DHRS3: variants seen among roughly 807,000 people sequenced by gnomAD.
DHRS3 encodes short-chain dehydrogenase/reductase 3.
Under a neutral mutation model 27.2 loss-of-function variants are expected in DHRS3, and 14 were observed. The observed-to-expected ratio is 0.52, with a 90% CI of 0.34 to 0.81. The LOEUF (loss-of-function observed/expected upper bound fraction) is 0.81, where lower values mean the gene tolerates loss of function less well. Among genes scored for constraint, DHRS3 ranks in the 30% least tolerant of loss-of-function variants. The probability of loss-of-function intolerance (pLI) is 0.01; values close to 1 mark genes in which losing one functional copy is unlikely to be tolerated. For missense variants in DHRS3, 322 were observed against 406.2 expected (o/e 0.79, Z 1.78); for synonymous variants, 165 against 175.9 (o/e 0.94, Z 0.49).
rs374283325 is a variant in DHRS3, at chr1:12,572,725, T to A, written c.824+3A>T. On this transcript the variant is annotated splice_donor_region_variant and intron_variant, in intron 5 of 5. Coordinates refer to ENST00000616661, the MANE Select transcript of DHRS3 (RefSeq NM_004753.7). ...CCCAGAGTGTTCTTTCCCAGCCCCA[T>A]ACCTTTTCAAGATAACGAGGGCATG... The A allele has an allele frequency of 3.1e-6, 5 of 1,592,104 alleles. No individual in the cohort carries two copies. The highest frequency in any genetic ancestry group is 4.3e-6 in the Non-Finnish European group (5 of 1,168,976).
In DHRS3 at chr1:12,572,870, A is replaced by G; in HGVS notation, c.699-17T>C. On this transcript the variant is annotated splice_polypyrimidine_tract_variant and intron_variant, in intron 4 of 5. Coordinates refer to ENST00000616661, the MANE Select transcript of DHRS3 (RefSeq NM_004753.7). ...TTGGGAAACCTGAACACAGGAAGAG[A>G]CACAGTGGGTTTCTCCTGGAGAGGC... 1.3e-6 allele frequency: 2 copies of G among 1,578,802 alleles called. No individual in the cohort carries two copies. Among genetic ancestry groups the G allele is most frequent in the South Asian group, 1.2e-5 (1 of 86,576 alleles).
intron 1 of DHRS3, among the ~76,000 whole-genome samples, chr1:12,583,374 C>T (rs1341411837): frequency 7.1e-6 from 1 of 140,282 alleles, no homozygotes; most frequent in African/African-American, 2.6e-5. Context: ...CATTCCTCAC[C>T]CACCCCACCC....
At chr1:12,616,010 C>T (rs1425976965) in intron 1 of DHRS3, among the ~76,000 whole-genome samples, 1 of 152,198 alleles carries the variant, frequency 6.6e-6, no homozygotes, top group Non-Finnish European at 1.5e-5. Context: ...ATAGTTCAGG[C>T]TCCAAAGTTC....
chr1:12,609,946 T>A (rs1646896010), intron 1 of DHRS3, among the ~76,000 whole-genome samples: 1 of 152,162 alleles, frequency 6.6e-6, no homozygotes, highest in Admixed American at 6.5e-5. Context: ...CCTTCAGGTC[T>A]TTCCTCGTGT....
chr1:12,570,597 T>C (rs1646527289), intron 5 of DHRS3, among the ~76,000 whole-genome samples: 1 of 152,006 alleles, frequency 6.6e-6, no homozygotes, highest in South Asian at 2.1e-4. Flanking sequence ...CAAAAGTAGT[T>C]GTGGGGAAGG....
At chr1:12,598,336 A>G (rs968488478) in intron 1 of DHRS3, among the ~76,000 whole-genome samples, 1 of 152,028 alleles carries the variant, frequency 6.6e-6, no homozygotes, top group Non-Finnish European at 1.5e-5. Flanking sequence ...GATCGCACCA[A>G]TGCACTCCAG....
chr1:12,579,238 C>T lies in DHRS3; in HGVS notation c.459+55G>A. The T allele has an allele frequency of 5.6e-6, 9 of 1,613,530 alleles. No homozygotes were observed. The South Asian group carries it at 8.8e-5, about 16-fold the overall frequency. ...TGGCAAATCATCCCCTCCCCTCCAT[C>T]CTGCCTGGGCTCCCTGCACGCCCGG... On this transcript the variant is annotated intron_variant, in intron 3 of 5. Coordinates refer to ENST00000616661, the MANE Select transcript of DHRS3 (RefSeq NM_004753.7).
chr1:12,585,249 GTGTCTC>G (rs1646685916), intron 1 of DHRS3, among the ~76,000 whole-genome samples: 6 of 151,206 alleles, frequency 4.0e-5, no homozygotes, highest in African/African-American at 1.2e-4. Context: ...GTGTGTCTCT[GTGTCTC>G]TGAGTGTGTG....
intron 4 of DHRS3, among the ~76,000 whole-genome samples, chr1:12,576,359 G>A (rs1646587921): frequency 1.3e-5 from 2 of 151,892 alleles, no homozygotes; most frequent in African/African-American, 4.8e-5. Context: ...TCAGGAGATT[G>A]AGACCATCCT....
intron 2 of DHRS3, chr1:12,579,730 C>T (rs1307244969): frequency 3.8e-6 from 1 of 265,296 alleles, no homozygotes; most frequent in African/African-American, 2.3e-5. Context: ...GCCTCGGTCT[C>T]CCAAAATGCT....
intron 1 of DHRS3, among the ~76,000 whole-genome samples, chr1:12,616,383 A>C (rs979459696): frequency 1.3e-5 from 2 of 151,856 alleles, no homozygotes; most frequent in African/African-American, 2.4e-5. Context: ...AGGTCTCCAA[A>C]ACCTGGAGCA....
chr1:12,612,928 C>T (rs910015844), intron 1 of DHRS3, among the ~76,000 whole-genome samples: 10 of 151,996 alleles, frequency 6.6e-5, no homozygotes, highest in African/African-American at 1.7e-4. Context: ...CATGGTGGCA[C>T]GCACGCCTGT....
rs141619246 is a variant in DHRS3, at chr1:12,585,215, CTGTGTG to C, written c.196-4555_196-4550del. Among the ~76,000 whole-genome samples the C allele has an allele frequency of 8.2e-3, 99 of 12,056 alleles. No homozygotes were observed. The Middle Eastern group carries it at 0.14, about 17-fold the overall frequency. The allele number at this position is 12,056 out of a possible 152,430, so 7.9% of individuals were successfully genotyped here. The stretch of plus-strand genomic sequence containing the variant: ...TGTGTGTGTGTGTGTCTGTGTATCT[CTGTGTG>C]TGTGTGTCTATGTGAGTGTGTGTCT... On this transcript the variant is annotated intron_variant, in intron 1 of 5. Transcript: ENST00000616661.
rs997113788 is a variant in DHRS3, at chr1:12,574,129, C to T, written c.699-1276G>A. ...CCTCAGAGGGTACATGAATCTTACC[C>T]CCTGCCCTGTAATTCCTTTGTCATC... On this transcript the variant is annotated intron_variant, in intron 4 of 5. Coordinates refer to ENST00000616661, the MANE Select transcript of DHRS3 (RefSeq NM_004753.7). This position sits in a 1 kb window ranked among gnomAD's most constrained non-coding sequence, Gnocchi z 4.6. 6.6e-6 allele frequency among the ~76,000 whole-genome samples: 1 copy of T among 152,156 alleles called. No individual in the cohort carries two copies. The highest frequency in any genetic ancestry group is 1.5e-5 in the Non-Finnish European group (1 of 68,020).
chr1:12,588,269 T>C (rs769728127), intron 1 of DHRS3, among the ~76,000 whole-genome samples: 5 of 152,206 alleles, frequency 3.3e-5, no homozygotes, highest in Non-Finnish European at 5.9e-5. Context: ...CACCACTATA[T>C]AATGGCTAAA....
chr1:12,602,635 G>A (rs1646843499), intron 1 of DHRS3, among the ~76,000 whole-genome samples: 1 of 152,268 alleles, frequency 6.6e-6, no homozygotes, highest in African/African-American at 2.4e-5. Context: ...GCCCCACCTG[G>A]AAGGAGTGGT....
At position 12,617,393 on chromosome 1, in the gene DHRS3, G is replaced by C. The variant is rs1373154366; in HGVS notation, c.-45C>G. On this transcript the variant is annotated 5_prime_UTR_variant, in exon 1 of 6. Coordinates refer to ENST00000616661, the MANE Select transcript of DHRS3 (RefSeq NM_004753.7). ...GGCAGGGGGCGAAACTCCCCGGGCCGAGCAATACAGGAATTAAAAAACACC... is the reference window on the plus strand; with the variant it reads ...GGCAGGGGGCGAAACTCCCCGGGCCCAGCAATACAGGAATTAAAAAACACC... The C allele has an allele frequency of 8.3e-6, 13 of 1,567,916 alleles. No individual in the cohort carries two copies. In the East Asian group the frequency reaches 3.0e-4, roughly 36 times the overall value.
At chr1:12,590,814 C>A in intron 1 of DHRS3, among the ~76,000 whole-genome samples, 1 of 151,670 alleles carries the variant, frequency 6.6e-6, no homozygotes, top group Admixed American at 6.6e-5. Flanking sequence ...CCTACCAGCC[C>A]TTCTGCTTCC....
rs550498365 is a variant in DHRS3, at chr1:12,605,786, A to G, written c.195+11368T>C. ...CAAATTTACAGTGAAGCTTGCTTAG[A>G]TGGAAGAACGGTGAAATCACTGATA... On this transcript the variant is annotated intron_variant, in intron 1 of 5. Transcript: ENST00000616661. Among the ~76,000 whole-genome samples the G allele has an allele frequency of 4.6e-5, 7 of 152,304 alleles. No individual in the cohort carries two copies. In the South Asian group the frequency reaches 8.3e-4, roughly 18 times the overall value.
Sources: gnomAD v4.1 joint callset for allele counts (sites outside exome capture counted in the v4.1 genomes callset) on GRCh38, gnomAD v4.1.1 for gene constraint, Gnocchi (gnomAD v3.1) non-coding constraint, MANE v1.5 for transcripts, NCBI Gene and HGNC (gene_info 2026-07-23, HGNC 2026-07-21) for gene names.